The following CEP131 variants were observed in gnomAD, a reference collection of about 807,000 sequenced individuals.
CEP131 encodes centrosomal protein of 131 kDa.
CEP131 carries 99 observed loss-of-function variants against 136.8 expected under a neutral mutation model. The ratio of observed to expected loss-of-function variants is 0.72; its 90% CI spans 0.62 to 0.86. The LOEUF (loss-of-function observed/expected upper bound fraction) is 0.86, where lower values mean the gene tolerates loss of function less well. Among genes scored for constraint, CEP131 ranks in the 40% least tolerant of loss-of-function variants. The pLI is 0.00. For synonymous variants in CEP131, 646 were observed against 612.7 expected (o/e 1.05, Z -0.80); for missense variants, 1,459 against 1,463.0 (o/e 1.00, Z 0.04).
At chr17:81,198,485 C>T (rs961512018) in intron 11 of CEP131, among the ~76,000 whole-genome samples, 188 bp from the exon 12 acceptor site, 1 of 152,210 alleles carries the variant, frequency 6.6e-6, no homozygotes, top group African/African-American at 2.4e-5. Flanking sequence ...AAACCCAGAG[C>T]AGCTCCAGCC....
intron 8 of CEP131, 136 bp downstream of exon 8, chr17:81,200,193 A>G: frequency 1.4e-6 from 1 of 720,062 alleles, no homozygotes; most frequent in Non-Finnish European, 2.3e-6. Context: ...CAGGGTCAAG[A>G]AGGATGCTGC....
rs999237740 is a variant in CEP131 at position 81,200,487 on chromosome 17, G to A, written c.789-41C>T. ...GACTCAGGGCCAAGACAGGACCAGCGCCCCGGCAGGACCCAGCTGGCTGCT... is the reference window on the plus strand; with the variant it reads ...GACTCAGGGCCAAGACAGGACCAGCACCCCGGCAGGACCCAGCTGGCTGCT... On this transcript the variant is annotated intron_variant, in intron 7 of 25. Coordinates refer to ENST00000450824, the MANE Select transcript of CEP131 (RefSeq NM_014984.4). 16 of 1,439,318 alleles carry A rather than the reference G, an allele frequency of 1.1e-5. No individual in the cohort carries two copies. In the African/African-American group the frequency reaches 1.6e-4, roughly 14 times the overall value. The allele number at this position is 1,439,318 out of a possible 1,614,324, so 89.2% of individuals were successfully genotyped here.
At chr17:81,204,404 G>A (rs1176465185) in intron 5 of CEP131, among the ~76,000 whole-genome samples, 1 of 152,126 alleles carries the variant, frequency 6.6e-6, no homozygotes, top group Non-Finnish European at 1.5e-5. Context: ...ACCCTGGGGC[G>A]GGCTGGGGGT....
At chr17:81,190,367 G>A (rs1296963078) in intron 24 of CEP131, among the ~76,000 whole-genome samples, 1 of 152,180 alleles carries the variant, frequency 6.6e-6, no homozygotes, top group East Asian at 1.9e-4. Context: ...CCCGGGAGCT[G>A]ACTCCCTGGA....
chr17:81,194,477 A>C (rs948078335), intron 17 of CEP131, among the ~76,000 whole-genome samples: 1 of 151,908 alleles, frequency 6.6e-6, no homozygotes. Context: ...CACAACACCC[A>C]CCAGCCTCCT....
Position 81,215,354 on chromosome 17 carries a change from C to T in CEP131, c.177+4526G>A, listed in dbSNP as rs1483114343. The stretch of plus-strand genomic sequence containing the variant: ...TCAAGTGATCCTCCCACCGCAGCCA[C>T]GCAAAGTGCTGGGATTACAGATATT... On this transcript the variant is annotated intron_variant, in intron 2 of 25. Transcript: ENST00000450824. This position sits in a 1 kb window ranked among gnomAD's most constrained non-coding sequence, Gnocchi z 4.1. Among the ~76,000 whole-genome samples the T allele has an allele frequency of 2.0e-5, 3 of 152,156 alleles. No homozygotes were observed. The highest frequency in any genetic ancestry group is 2.1e-4 in the South Asian group (1 of 4,826).
intron 17 of CEP131, among the ~76,000 whole-genome samples, chr17:81,194,540 G>A (rs779998099): frequency 5.3e-5 from 8 of 152,200 alleles, no homozygotes; most frequent in Non-Finnish European, 1.0e-4. Context: ...TCTGCTTCCC[G>A]TGGCAGGGCC....
In CEP131 at chr17:81,200,516, G is replaced by A. The variant is rs751109286; in HGVS notation, c.789-70C>T. 6.0e-4 allele frequency: 716 copies of A among 1,194,662 alleles called. 1 individual carries two copies. Among genetic ancestry groups the A allele is most frequent in the Non-Finnish European group, 7.7e-4 (648 of 837,998 alleles). 74.0% of individuals were successfully genotyped at this position (1,194,662 alleles called of 1,614,324 possible). A position where few individuals can be genotyped will look rare whatever the true frequency, so the allele number is the denominator to read the frequency against. ...CGGCAGGACCCAGCTGGCTGCTGGT[G>A]GAAGGTCGAGCCGGGGAAGAGAGAA... On this transcript the variant is annotated intron_variant, in intron 7 of 25. Coordinates refer to ENST00000450824, the MANE Select transcript of CEP131 (RefSeq NM_014984.4).
At chr17:81,197,382 C>CA in intron 13 of CEP131, 1 of 373,284 alleles carries the variant, frequency 2.7e-6, no homozygotes, top group Non-Finnish European at 5.0e-6. Context: ...ACAAACCAAC[C>CA]CAGAGGACAG....
rs150262562 is a variant in CEP131, at chr17:81,217,379, C to T, written c.177+2501G>A. Among the ~76,000 whole-genome samples, 111 of 152,076 alleles carry T rather than the reference C, an allele frequency of 7.3e-4. 1 individual carries two copies. The highest frequency in any genetic ancestry group is 2.4e-3 in the African/African-American group (98 of 41,438). On this transcript the variant is annotated intron_variant, in intron 2 of 25. Coordinates refer to ENST00000450824, the MANE Select transcript of CEP131 (RefSeq NM_014984.4). ...GGCCAATGGCCACCGAGAAGGTCTC[C>T]GAGCCAGGGGACAGCACCCCACCCC...
rs568467192 is a variant in CEP131 at position 81,212,279 on chromosome 17, G to A, written c.178-3257C>T. On this transcript the variant is annotated intron_variant, in intron 2 of 25. Coordinates refer to ENST00000450824, the MANE Select transcript of CEP131 (RefSeq NM_014984.4). ...GGAGGTTGCAGTGAGCCGAGATTGC[G>A]CTACTGCACTCCAGCCTGGGCGACA... Among the ~76,000 whole-genome samples, 100 of 148,056 alleles carry A rather than the reference G, an allele frequency of 6.8e-4. 2 individuals are homozygous for A. Among genetic ancestry groups the A allele is most frequent in the Admixed American group, 4.3e-3 (63 of 14,568 alleles).
chr17:81,210,442 T>C (rs974088914), intron 2 of CEP131, among the ~76,000 whole-genome samples: 3 of 149,954 alleles, frequency 2.0e-5, no homozygotes, highest in Non-Finnish European at 4.5e-5. Flanking sequence ...TAGTGGCGGG[T>C]GCCTGTAGTC....
Position 81,197,702 on chromosome 17 carries a change from G to T in CEP131, c.1647+10C>A. Reference sequence around the variant, plus strand: ...CACTGGGGGCCGGGTGCGGGCTGGTGAGGGGCCACCTCCTGCTGGGAGTCC... The same window carrying T: ...CACTGGGGGCCGGGTGCGGGCTGGTTAGGGGCCACCTCCTGCTGGGAGTCC... On this transcript the variant is annotated intron_variant, in intron 13 of 25. Coordinates refer to ENST00000450824, the MANE Select transcript of CEP131 (RefSeq NM_014984.4). 1 of 1,605,430 alleles carries T rather than the reference G, an allele frequency of 6.2e-7. No individual in the cohort carries two copies.
chr17:81,192,685 G>GGGGGGGGGGGCCCCCCC, intron 19 of CEP131, 51 bp downstream of exon 19: 7 of 478,400 alleles, frequency 1.5e-5, no homozygotes, highest in Middle Eastern at 6.3e-4. Context: ...GGGGGGAGGG[G>GGGGGGGGGGGCCCCCCC]TCAGCCAGCG....
chr17:81,196,670 T>G, intron 15 of CEP131, 31 bp downstream of exon 15: 1 of 1,591,030 alleles, frequency 6.3e-7, no homozygotes, highest in Non-Finnish European at 8.5e-7. Context: ...ACGCGCTGGG[T>G]CCGGGCCTCT....
At position 81,203,439 on chromosome 17, in the gene CEP131, A is replaced by G. The variant is rs558161256; in HGVS notation, c.629+55T>C. On this transcript the variant is annotated intron_variant, in intron 6 of 25. Coordinates refer to ENST00000450824, the MANE Select transcript of CEP131 (RefSeq NM_014984.4). The surrounding 1 kb of genome is among the most constrained non-coding windows in gnomAD (Gnocchi z 4.6). ...GTCGGACCCCAGGTGCACTGACTAC[A>G]TGCCCTAACTGAGGTCGGACCCCGC... is the stretch of plus-strand genomic sequence containing the variant. 4.2e-5 allele frequency: 59 copies of G among 1,411,680 alleles called. 2 individuals are homozygous for G. The South Asian group carries it at 7.3e-4, about 17-fold the overall frequency. 87.4% of individuals were successfully genotyped at this position (1,411,680 alleles called of 1,614,324 possible). A position where few individuals can be genotyped will look rare whatever the true frequency, so the allele number is the denominator to read the frequency against.
At chr17:81,202,935 G>A (rs536041501) in intron 6 of CEP131, among the ~76,000 whole-genome samples, 180 of 151,316 alleles carry the variant, frequency 1.2e-3, no homozygotes, top group Non-Finnish European at 1.9e-3. Context: ...CTGCACTCCA[G>A]CCTGGGCAAC....
At chr17:81,190,838 G>A in intron 23 of CEP131, 36 bp from the exon 24 acceptor site, 1 of 1,589,832 alleles carries the variant, frequency 6.3e-7, no homozygotes, top group Non-Finnish European at 8.6e-7. Flanking sequence ...CCGGCTGCCA[G>A]CGACTGGCTG....
At chr17:81,206,131 T>C (rs2146634645) in intron 5 of CEP131, among the ~76,000 whole-genome samples, 1 of 152,098 alleles carries the variant, frequency 6.6e-6, no homozygotes, top group South Asian at 2.1e-4. Context: ...GGAGAATCGC[T>C]TGAACCAGGG....
Sources: allele counts gnomAD v4.1 joint callset (sites outside exome capture counted in the v4.1 genomes callset), GRCh38; gene constraint gnomAD v4.1.1; non-coding constraint Gnocchi (gnomAD v3.1); transcripts MANE v1.5; gene names NCBI Gene and HGNC (gene_info 2026-07-23, HGNC 2026-07-21).